The following GRIK1 variants were observed in gnomAD, a reference collection of about 807,000 sequenced individuals.
GRIK1 encodes glutamate ionotropic receptor kainate type subunit 1.
A neutral mutation model predicts 105.7 loss-of-function variants in GRIK1; 69 were observed. The observed-to-expected ratio is 0.65, with a 90% CI of 0.54 to 0.80. The LOEUF (loss-of-function observed/expected upper bound fraction) is 0.80. Among genes scored for constraint, GRIK1 ranks in the 30% least tolerant of loss-of-function variants. GRIK1 has a pLI of 0.00. For missense variants in GRIK1, 1,109 were observed against 1,167.3 expected (o/e 0.95, Z 0.73); for synonymous variants, 438 against 431.3 (o/e 1.02, Z -0.19).
At chr21:29,635,077 A>T (rs1229945306) in intron 7 of GRIK1, among the ~76,000 whole-genome samples, 1 of 152,184 alleles carries the variant, frequency 6.6e-6, no homozygotes, top group African/African-American at 2.4e-5. Context: ...TTGAGAAAAA[A>T]TATCTCTGAC....
intron 1 of GRIK1, among the ~76,000 whole-genome samples, chr21:29,817,351 C>T (rs920696095): frequency 6.6e-6 from 1 of 151,968 alleles, no homozygotes; most frequent in Non-Finnish European, 1.5e-5. Context: ...TTTTAAATCC[C>T]CATTACCATC....
rs538779199 is a variant in GRIK1, at chr21:29,612,918, A to G, written c.1099-13981T>C. On this transcript the variant is annotated intron_variant, in intron 7 of 17. Coordinates refer to ENST00000327783, the MANE Select transcript of GRIK1 (RefSeq NM_001330994.2). Reference sequence around the variant, plus strand: ...TAATTTAAAATGCTACTTAAATAGCATTTTAATTGCTATCAAGTTTTAAAG... The same window carrying G: ...TAATTTAAAATGCTACTTAAATAGCGTTTTAATTGCTATCAAGTTTTAAAG... Among the ~76,000 whole-genome samples the G allele has an allele frequency of 9.2e-5, 14 of 152,346 alleles. No individual in the cohort carries two copies. The East Asian group carries it at 2.7e-3, about 29-fold the overall frequency.
At position 29,598,879 on chromosome 21, in the gene GRIK1, T is replaced by C; in HGVS notation, c.1157A>G (p.Lys386Arg). Residue 386 changes from lysine to arginine, a missense_variant, in exon 8 of 18, where the codon AAG (lysine) becomes AGG (arginine). Transcript: ENST00000327783. ...ITFNKTNGLRKDFDLDIISLK... is the reference protein window; with the variant it reads ...ITFNKTNGLRRDFDLDIISLK... ...ACTAATAATGTCCAGATCAAAATCC[T>C]TCCTCAAGCCATTGGTTTTATTAAA... The C allele has an allele frequency of 6.3e-7, 1 of 1,598,792 alleles. No homozygotes were observed. The highest frequency in any genetic ancestry group is 8.6e-7 in the Non-Finnish European group (1 of 1,168,526).
chr21:29,590,029 A>G (rs1243959124), intron 10 of GRIK1, among the ~76,000 whole-genome samples: 2 of 152,152 alleles, frequency 1.3e-5, no homozygotes, highest in Non-Finnish European at 2.9e-5. Flanking sequence ...TAAATAATGG[A>G]CACTTCCCTA....
At chr21:29,867,924 GAA>G (rs1379372287) in intron 1 of GRIK1, among the ~76,000 whole-genome samples, 5 of 135,228 alleles carry the variant, frequency 3.7e-5, no homozygotes, top group African/African-American at 1.2e-4. Flanking sequence ...GAGAAAGAGA[GAA>G]AGAGAGAGAA....
At chr21:29,649,610 G>A (rs1430797888) in intron 6 of GRIK1, among the ~76,000 whole-genome samples, 1 of 152,250 alleles carries the variant, frequency 6.6e-6, no homozygotes, top group Non-Finnish European at 1.5e-5. Flanking sequence ...CATGAATTGC[G>A]TAGGTCTGTC....
At chr21:29,753,410 G>A (rs1256564734) in intron 1 of GRIK1, among the ~76,000 whole-genome samples, 2 of 152,270 alleles carry the variant, frequency 1.3e-5, no homozygotes, top group South Asian at 2.1e-4. Context: ...CTCTCCACAC[G>A]CTGAAATATC....
At chr21:29,740,360 G>A (rs1601574521) in intron 1 of GRIK1, among the ~76,000 whole-genome samples, 1 of 152,192 alleles carries the variant, frequency 6.6e-6, no homozygotes, top group African/African-American at 2.4e-5. Context: ...TGGGACTACA[G>A]GTACATGCCA....
chr21:29,697,279 A>G (rs2063722283), intron 1 of GRIK1, among the ~76,000 whole-genome samples: 1 of 152,170 alleles, frequency 6.6e-6, no homozygotes, highest in African/African-American at 2.4e-5. Context: ...TTTTTTTATT[A>G]TCGTACCTGG....
intron 1 of GRIK1, among the ~76,000 whole-genome samples, chr21:29,867,444 G>T (rs540626256): frequency 1.3e-5 from 2 of 152,166 alleles, no homozygotes; most frequent in African/African-American, 4.8e-5. Context: ...GTGTACCTAA[G>T]TTACCCCTAG....
intron 1 of GRIK1, among the ~76,000 whole-genome samples, chr21:29,908,063 A>T (rs931760009): frequency 6.6e-6 from 1 of 152,114 alleles, no homozygotes; most frequent in Non-Finnish European, 1.5e-5. Flanking sequence ...ATAATAATTA[A>T]CATTTATTGG....
At chr21:29,841,309 G>T (rs1482166807) in intron 1 of GRIK1, among the ~76,000 whole-genome samples, 1 of 152,084 alleles carries the variant, frequency 6.6e-6, no homozygotes, top group Non-Finnish European at 1.5e-5. Flanking sequence ...CATCAAAATT[G>T]TCTAAGCTTG....
Position 29,537,237 on chromosome 21 carries a change from A to ACAGTCTCTT in GRIK1, c.2834_2842dup (p.Thr947_Val948insGluGluThr). ...TACAGGCGTTTCCTTGGATCACGCC[A>ACAGTCTCTT]CAGTCTCTTTTCTCTGAGTTCGTCT... On this transcript the variant is annotated inframe_insertion, in exon 18 of 18. Transcript: ENST00000327783. The ACAGTCTCTT allele has an allele frequency of 6.2e-7, 1 of 1,602,174 alleles. No homozygotes were observed. The highest frequency in any genetic ancestry group is 1.7e-5 in the Admixed American group (1 of 57,780).
At chr21:29,560,351 CTTTCTTTT>C (rs2090385796) in intron 15 of GRIK1, among the ~76,000 whole-genome samples, 2 of 88,494 alleles carry the variant, frequency 2.3e-5, no homozygotes, top group Admixed American at 1.2e-4. Context: ...TTCTTTCTTT[CTTTCTTTT>C]TCTTTCTTCC....
chr21:29,939,722 T>C lies in GRIK1; in HGVS notation c.-222A>G. 4.8e-6 allele frequency: 2 copies of C among 417,320 alleles called. No homozygotes were observed. The highest frequency in any genetic ancestry group is 8.4e-6 in the Non-Finnish European group (2 of 236,842). The allele number at this position is 417,320 out of a possible 1,614,324, so 25.9% of individuals were successfully genotyped here. A position where few individuals can be genotyped will look rare whatever the true frequency, so the allele number is the denominator to read the frequency against. Reference sequence around the variant, plus strand: ...GCTCCTCAGTGCTGTCGCTAGCCCATCACGGCTCCTCCTCCTCCTCTTCCA... The same window carrying C: ...GCTCCTCAGTGCTGTCGCTAGCCCACCACGGCTCCTCCTCCTCCTCTTCCA... On this transcript the variant is annotated 5_prime_UTR_variant, in exon 1 of 18. The change abolishes an upstream ATG in the 5' untranslated region. Transcript: ENST00000327783.
At chr21:29,609,179 A>G (rs968464081) in intron 7 of GRIK1, among the ~76,000 whole-genome samples, 6 of 151,454 alleles carry the variant, frequency 4.0e-5, no homozygotes, top group African/African-American at 1.4e-4. Flanking sequence ...ATATAGCTTT[A>G]CATATCTTAT....
At chr21:29,550,002 GGAGGCT>G (rs1166762740) in intron 16 of GRIK1, among the ~76,000 whole-genome samples, 1 of 150,400 alleles carries the variant, frequency 6.6e-6, no homozygotes, top group Non-Finnish European at 1.5e-5. Context: ...CAGCTACTCA[GGAGGCT>G]GAGGCAAGAG....
intron 1 of GRIK1, among the ~76,000 whole-genome samples, chr21:29,768,615 G>A (rs1011178962): frequency 6.6e-6 from 1 of 152,142 alleles, no homozygotes; most frequent in African/African-American, 2.4e-5. Context: ...AATGTCCTCC[G>A]CCTCTGGGTT....
chr21:29,872,192 CTTTTT>C lies in GRIK1; in HGVS notation c.118+67186_118+67190del, dbSNP rs35165931. 1.2e-4 allele frequency among the ~76,000 whole-genome samples: 13 copies of C among 107,680 alleles called. No homozygotes were observed. In the East Asian group the frequency reaches 2.8e-3, roughly 23 times the overall value. The allele number at this position is 107,680 out of a possible 152,430, so 70.6% of individuals were successfully genotyped here. The stretch of plus-strand genomic sequence containing the variant: ...AATTAAAATATGCACGCTCTCACTT[CTTTTT>C]TTTTTTTTTTTTTTGAGACGGAGTC... On this transcript the variant is annotated intron_variant, in intron 1 of 17. Coordinates refer to ENST00000327783, the MANE Select transcript of GRIK1 (RefSeq NM_001330994.2).
Sources: allele counts gnomAD v4.1 joint callset (sites outside exome capture counted in the v4.1 genomes callset), GRCh38; gene constraint gnomAD v4.1.1; transcripts MANE v1.5; gene names NCBI Gene and HGNC (gene_info 2026-07-23, HGNC 2026-07-21).